SLC10A7: variants seen among roughly 807,000 people sequenced by gnomAD.
SLC10A7 encodes the protein solute carrier family 10 member 7, also known as sodium/bile acid cotransporter 7.
A neutral mutation model predicts 43.2 loss-of-function variants in SLC10A7; 29 were observed. That is an observed-to-expected ratio of 0.67 (90% CI 0.50 to 0.92). SLC10A7 has a LOEUF of 0.92. Ranked by LOEUF, SLC10A7 falls within the 40% of genes least tolerant of loss-of-function variation. SLC10A7 has a pLI of 0.00. For missense variants in SLC10A7, 295 were observed against 403.2 expected (o/e 0.73, Z 2.30); for synonymous variants, 152 against 144.8 (o/e 1.05, Z -0.35).
chr4:146,379,957 CTCTGTGTGTGTG>C (rs1238485533), intron 5 of SLC10A7, among the ~76,000 whole-genome samples: 3 of 143,778 alleles, frequency 2.1e-5, no homozygotes, highest in Admixed American at 2.0e-4. Flanking sequence ...CTCTCTCTCT[CTCTGTGTGTGTG>C]TGTGTGTGTG....
chr4:146,465,835 A>G (rs1732977002), intron 4 of SLC10A7, among the ~76,000 whole-genome samples: 1 of 152,186 alleles, frequency 6.6e-6, no homozygotes, highest in South Asian at 2.1e-4. Flanking sequence ...GTGAGTTAAC[A>G]TGTACTGAAA....
At chr4:146,437,293 G>T (rs929288271) in intron 5 of SLC10A7, among the ~76,000 whole-genome samples, 1 of 152,022 alleles carries the variant, frequency 6.6e-6, no homozygotes, top group Non-Finnish European at 1.5e-5. Flanking sequence ...TGCATAGCAC[G>T]ATGATGGGTT....
chr4:146,290,016 A>AT (rs1730313586), intron 9 of SLC10A7, among the ~76,000 whole-genome samples: 2 of 147,128 alleles, frequency 1.4e-5, no homozygotes, highest in South Asian at 4.5e-4. Flanking sequence ...ACCCAGCCAG[A>AT]TTTTTTTAAA....
intron 5 of SLC10A7, among the ~76,000 whole-genome samples, chr4:146,431,186 C>A (rs1466996227): frequency 2.0e-5 from 3 of 151,988 alleles, no homozygotes; most frequent in Admixed American, 1.3e-4. Flanking sequence ...GATAGAAAAG[C>A]AATTTTTAAC....
At chr4:146,470,854 A>G (rs1478564549) in intron 4 of SLC10A7, among the ~76,000 whole-genome samples, 3 of 152,216 alleles carry the variant, frequency 2.0e-5, no homozygotes, top group Non-Finnish European at 4.4e-5. Context: ...ATTCACTAGC[A>G]CTAATAACAA....
intron 4 of SLC10A7, among the ~76,000 whole-genome samples, chr4:146,460,688 C>G (rs572104827): frequency 4.5e-4 from 69 of 151,814 alleles, no homozygotes; most frequent in African/African-American, 1.6e-3. Context: ...GGGGAAAGAG[C>G]CATAAAAGAA....
At chr4:146,262,574 C>T (rs894671545) in intron 10 of SLC10A7, among the ~76,000 whole-genome samples, 11 of 152,366 alleles carry the variant, frequency 7.2e-5, no homozygotes, top group East Asian at 1.9e-4. Context: ...GTCCTCATCA[C>T]TCACTTGCTT....
At chr4:146,451,278 C>T (rs979712114) in intron 4 of SLC10A7, among the ~76,000 whole-genome samples, 1 of 147,168 alleles carries the variant, frequency 6.8e-6, no homozygotes, top group Non-Finnish European at 1.5e-5. Flanking sequence ...CAGCTGGCTT[C>T]ACTGCTGAAT....
intron 10 of SLC10A7, among the ~76,000 whole-genome samples, chr4:146,265,053 T>G (rs935227948): frequency 6.6e-6 from 1 of 152,218 alleles, no homozygotes; most frequent in Non-Finnish European, 1.5e-5. Context: ...CATCAAATCC[T>G]CTACTTATTC....
At chr4:146,296,039 G>A (rs1033223930) in intron 7 of SLC10A7, among the ~76,000 whole-genome samples, 5 of 152,202 alleles carry the variant, frequency 3.3e-5, no homozygotes, top group African/African-American at 1.2e-4. Flanking sequence ...TTAATCAACT[G>A]TATAAGCAAT....
intron 4 of SLC10A7, among the ~76,000 whole-genome samples, chr4:146,496,302 C>A (rs188356354): frequency 6.6e-6 from 1 of 152,140 alleles, no homozygotes; most frequent in South Asian, 2.1e-4. Flanking sequence ...ACACAATACC[C>A]TAAAGCATGG....
intron 5 of SLC10A7, among the ~76,000 whole-genome samples, chr4:146,410,223 G>C (rs1049476219): frequency 1.3e-5 from 2 of 152,218 alleles, no homozygotes; most frequent in South Asian, 4.1e-4. Context: ...AATAAACTAA[G>C]ATATTCTGAT....
At chr4:146,491,456 T>C (rs1735407416) in intron 4 of SLC10A7, among the ~76,000 whole-genome samples, 1 of 150,808 alleles carries the variant, frequency 6.6e-6, no homozygotes, top group Non-Finnish European at 1.5e-5. Flanking sequence ...GGTCACAAAA[T>C]CAATTTAGTG....
In SLC10A7 at chr4:146,495,666, G is replaced by C. The variant is rs1390622041; in HGVS notation, c.396+8183C>G. Among the ~76,000 whole-genome samples, 4 of 151,916 alleles carry C rather than the reference G, an allele frequency of 2.6e-5. No individual in the cohort carries two copies. The South Asian group carries it at 8.3e-4, about 32-fold the overall frequency. Reference sequence around the variant, plus strand: ...TCAGACTTCTATGACCTTCATCTATGACTTAAAGACTTCACCACATGTGAT... The same window carrying C: ...TCAGACTTCTATGACCTTCATCTATCACTTAAAGACTTCACCACATGTGAT... On this transcript the variant is annotated intron_variant, in intron 4 of 11. Transcript: ENST00000335472.
At chr4:146,507,182 A>AT (rs962243717) in intron 3 of SLC10A7, among the ~76,000 whole-genome samples, 5 of 151,898 alleles carry the variant, frequency 3.3e-5, no homozygotes, top group African/African-American at 4.8e-5. Context: ...GAATTTACAT[A>AT]TTTTTTTTGA....
chr4:146,472,860 C>T (rs2149967838), intron 4 of SLC10A7, among the ~76,000 whole-genome samples: 2 of 152,240 alleles, frequency 1.3e-5, no homozygotes, highest in Admixed American at 1.3e-4. Flanking sequence ...GACTTATTGC[C>T]TTTTAACTTT....
At chr4:146,369,772 A>G (rs557042924) in intron 5 of SLC10A7, among the ~76,000 whole-genome samples, 1 of 152,320 alleles carries the variant, frequency 6.6e-6, no homozygotes, top group South Asian at 2.1e-4. Context: ...ATCATATTCA[A>G]TTTTGATTTT....
chr4:146,282,083 GGT>G lies in SLC10A7; in HGVS notation c.847+1107_847+1108del, dbSNP rs1449991985. Among the ~76,000 whole-genome samples, 4 of 152,192 alleles carry G rather than the reference GGT, an allele frequency of 2.6e-5. No individual in the cohort carries two copies. In the East Asian group the frequency reaches 7.7e-4, roughly 29 times the overall value. On this transcript the variant is annotated intron_variant, in intron 10 of 11. Coordinates refer to ENST00000335472, the MANE Select transcript of SLC10A7 (RefSeq NM_001029998.6). ...CAGGGAAGTTAATTGATTTGTCTAAGGTCACAAAATTAGGATTGGAATATGGT... is the reference window on the plus strand; with the variant it reads ...CAGGGAAGTTAATTGATTTGTCTAAGCACAAAATTAGGATTGGAATATGGT...
intron 7 of SLC10A7, among the ~76,000 whole-genome samples, chr4:146,303,116 A>C (rs1731269125): frequency 6.6e-6 from 1 of 152,322 alleles, no homozygotes; most frequent in South Asian, 2.1e-4. Flanking sequence ...GTGTAAGAGT[A>C]TAAAGACCAG....
Sources: gnomAD v4.1 joint callset for allele counts (sites outside exome capture counted in the v4.1 genomes callset) on GRCh38, gnomAD v4.1.1 for gene constraint, MANE v1.5 for transcripts, NCBI Gene and HGNC (gene_info 2026-07-23, HGNC 2026-07-21) for gene names.